The following MAP7D2 variants were observed in gnomAD, a reference collection of about 807,000 sequenced individuals.
The protein encoded by MAP7D2 is MAP7 domain-containing protein 2.
In MAP7D2, 33 loss-of-function variants were observed where a neutral mutation model predicts 63.5. The observed-to-expected ratio is 0.52, with a 90% CI of 0.39 to 0.70. The LOEUF (loss-of-function observed/expected upper bound fraction) is 0.70. Among genes scored for constraint, MAP7D2 ranks in the 30% least tolerant of loss-of-function variants. The probability of loss-of-function intolerance (pLI) is 0.00; values close to 1 mark genes in which losing one functional copy is unlikely to be tolerated. For missense variants in MAP7D2, 626 were observed against 604.0 expected, an observed-to-expected ratio of 1.04 and a Z score of -0.38; for synonymous variants, 224 against 223.7, an observed-to-expected ratio of 1.00 and a Z score of -0.01.
intron 10 of MAP7D2, 106 bp from the exon 11 acceptor site, chrX:20,016,431 C>T (rs1016805661): frequency 1.6e-6 from 1 of 642,549 alleles, no homozygotes; most frequent in South Asian, 2.6e-5. Context: ...GTAACACACA[C>T]ACATACCTTT....
intron 1 of MAP7D2, among the ~76,000 whole-genome samples, chrX:20,093,319 C>T (rs1471342892): frequency 2.7e-5 from 3 of 110,592 alleles, no homozygotes; most frequent in Admixed American, 9.7e-5. Flanking sequence ...GGAACAGAGA[C>T]GGAAAAAAGG....
chrX:20,055,564 A>G (rs1305158321), intron 4 of MAP7D2, among the ~76,000 whole-genome samples: 1 of 112,026 alleles, frequency 8.9e-6, no homozygotes, highest in Non-Finnish European at 1.9e-5. Flanking sequence ...CTATAATGAC[A>G]GAGGAACAAA....
chrX:20,112,959 T>C (rs904813560), intron 1 of MAP7D2, among the ~76,000 whole-genome samples: 25 of 111,858 alleles, frequency 2.2e-4, no homozygotes, highest in Non-Finnish European at 2.6e-4. Context: ...CTGCAGAAGA[T>C]GGGGCACCTG....
chrX:20,063,565 T>C lies in MAP7D2; in HGVS notation c.221A>G (p.Gln74Arg). 8.3e-7 allele frequency: 1 copy of C among 1,211,503 alleles called. No homozygotes were observed. The highest frequency in any genetic ancestry group is 1.1e-6 in the Non-Finnish European group (1 of 895,330). ...EREKCLAARE[Q>R]QILEKQKRAR... is the part of the protein sequence containing the mutation. The stretch of plus-strand genomic sequence containing the variant: ...TCTTTTCTGTTTCTCCAGGATCTGT[T>C]GCTCCCGAGCAGCTGGGGAAGGAAA... Residue 74 changes from glutamine to arginine, a missense_variant, in exon 3 of 17, where the codon CAA (glutamine) becomes CGA (arginine). Coordinates refer to ENST00000379643, the MANE Select transcript of MAP7D2 (RefSeq NM_001168465.2).
At chrX:20,011,552 A>C (rs754742480) in intron 15 of MAP7D2, among the ~76,000 whole-genome samples, 2 of 112,245 alleles carry the variant, frequency 1.8e-5, no homozygotes, top group Non-Finnish European at 3.8e-5. Flanking sequence ...AATGGGAACA[A>C]TTGTTTCTCT....
At chrX:20,114,284 C>T (rs1188320511) in intron 1 of MAP7D2, among the ~76,000 whole-genome samples, 1 of 112,549 alleles carries the variant, frequency 8.9e-6, no homozygotes, top group Non-Finnish European at 1.9e-5. Flanking sequence ...CCACCTGCCT[C>T]GGCCTCCCAA....
chrX:20,013,966 G>C lies in MAP7D2; in HGVS notation c.1750-341C>G, dbSNP rs2073293003. Among the ~76,000 whole-genome samples, 4 of 112,246 alleles carry C rather than the reference G, an allele frequency of 3.6e-5. No individual in the cohort carries two copies. In the South Asian group the frequency reaches 1.5e-3, roughly 42 times the overall value. On this transcript the variant is annotated intron_variant, in intron 12 of 16. Transcript: ENST00000379643. Reference sequence around the variant, plus strand: ...ACCACCCTACAGAAAGTGAGGCTGAGGCTGAGGTGCATCTCAGGAGAGAAG... The same window carrying C: ...ACCACCCTACAGAAAGTGAGGCTGACGCTGAGGTGCATCTCAGGAGAGAAG...
At chrX:20,014,339 A>G (rs1334294717) in intron 12 of MAP7D2, among the ~76,000 whole-genome samples, 1 of 112,258 alleles carries the variant, frequency 8.9e-6, no homozygotes, top group Non-Finnish European at 1.9e-5. Flanking sequence ...AGGCCGAGGC[A>G]GGAGGATCCC....
chrX:20,069,570 G>A (rs1364771503), intron 1 of MAP7D2, among the ~76,000 whole-genome samples: 1 of 110,017 alleles, frequency 9.1e-6, no homozygotes, highest in African/African-American at 3.3e-5. Flanking sequence ...AAGAACTTAT[G>A]GAGAACAGAT....
intron 8 of MAP7D2, among the ~76,000 whole-genome samples, chrX:20,036,533 C>T (rs750560706): frequency 2.4e-4 from 26 of 107,144 alleles, no homozygotes; most frequent in Non-Finnish European, 3.9e-4. Context: ...TGAGCCACCG[C>T]GCCTGGCCTG....
chrX:20,115,712 C>T (rs932567145), intron 1 of MAP7D2, among the ~76,000 whole-genome samples: 1 of 111,398 alleles, frequency 9.0e-6, no homozygotes, highest in Admixed American at 9.5e-5. Flanking sequence ...AGTGAAAAAG[C>T]GTGTTTTAAG....
chrX:20,071,294 T>TA (rs2065494847), intron 1 of MAP7D2, among the ~76,000 whole-genome samples: 1 of 112,505 alleles, frequency 8.9e-6, no homozygotes, highest in African/African-American at 3.2e-5. Context: ...TTCAAAAATA[T>TA]AGATGCCTGG....
At chrX:20,051,556 C>CAA (rs199664149) in intron 5 of MAP7D2, among the ~76,000 whole-genome samples, 9 of 102,518 alleles carry the variant, frequency 8.8e-5, no homozygotes, top group African/African-American at 1.4e-4. Flanking sequence ...AAAAAAAAAA[C>CAA]AAACAAAAAA....
chrX:20,017,112 G>A (rs898099862), intron 10 of MAP7D2: 1 of 113,368 alleles, frequency 8.8e-6, no homozygotes, highest in Non-Finnish European at 1.9e-5. Flanking sequence ...GGTAATCACT[G>A]GCAATGTGAT....
intron 1 of MAP7D2, among the ~76,000 whole-genome samples, chrX:20,107,402 C>T (rs1179003794): frequency 9.0e-6 from 1 of 110,776 alleles, no homozygotes; most frequent in Admixed American, 9.6e-5. Context: ...GAAACCCTGT[C>T]TCTACTAAAA....
At chrX:20,053,609 T>C (rs2065002610) in intron 4 of MAP7D2, among the ~76,000 whole-genome samples, 1 of 111,496 alleles carries the variant, frequency 9.0e-6, no homozygotes, top group Non-Finnish European at 1.9e-5. Flanking sequence ...GACCCTGAGT[T>C]TGGTGTTCTT....
intron 8 of MAP7D2, among the ~76,000 whole-genome samples, chrX:20,034,252 A>C (rs945915544): frequency 1.4e-4 from 12 of 88,299 alleles, no homozygotes; most frequent in Non-Finnish European, 2.2e-4. Context: ...AAAAAAAAAA[A>C]CAGAATGATA....
chrX:20,015,659 G>A (rs191846785), intron 11 of MAP7D2, among the ~76,000 whole-genome samples: 2 of 112,367 alleles, frequency 1.8e-5, no homozygotes, highest in East Asian at 2.8e-4. Flanking sequence ...TTCTACTACC[G>A]TGAAGGGCAG....
intron 10 of MAP7D2, among the ~76,000 whole-genome samples, chrX:20,018,250 G>A (rs1467940804): frequency 3.4e-4 from 37 of 110,304 alleles, no homozygotes; most frequent in African/African-American, 1.2e-3. Context: ...ATAGGCATGA[G>A]CCGCTGCACT....
Sources: allele counts gnomAD v4.1 joint callset (sites outside exome capture counted in the v4.1 genomes callset), GRCh38; gene constraint gnomAD v4.1.1; transcripts MANE v1.5; gene names NCBI Gene and HGNC (gene_info 2026-07-23, HGNC 2026-07-21).